The following UBQLN1 variants were observed in gnomAD, a reference collection of about 807,000 sequenced individuals.
UBQLN1 encodes ubiquilin 1.
A neutral mutation model predicts 65.4 loss-of-function variants in UBQLN1; 13 were observed. The ratio of observed to expected loss-of-function variants is 0.20; its 90% CI spans 0.13 to 0.32. UBQLN1 has a LOEUF of 0.32. UBQLN1 is among the 10% of genes least tolerant of loss of function. UBQLN1 has a pLI of 1.00. For synonymous variants in UBQLN1, 267 were observed against 247.8 expected (o/e 1.08, Z -0.73); for missense variants, 561 against 724.0 (o/e 0.77, Z 2.58).
intron 2 of UBQLN1, among the ~76,000 whole-genome samples, chr9:83,684,810 C>CA (rs199680794): frequency 0.069 from 4,407 of 64,070 alleles, 223 homozygotes; most frequent in African/African-American, 0.21. Context: ...AATTCCGTCT[C>CA]AAAAAAAAAA....
chr9:83,707,866 C>T lies in UBQLN1; in HGVS notation c.-187G>A, dbSNP rs1832446276. 2.4e-6 allele frequency: 2 copies of T among 847,730 alleles called. No individual in the cohort carries two copies. Among genetic ancestry groups the T allele is most frequent in the Non-Finnish European group, 3.4e-6 (2 of 593,860 alleles). The allele number at this position is 847,730 out of a possible 1,614,324, so 52.5% of individuals were successfully genotyped here. On this transcript the variant is annotated 5_prime_UTR_variant, in exon 1 of 11. Transcript: ENST00000376395. ...CCCCGGAGCTCGGTGCAGGCTCTGG[C>T]GCAGGCCCGGGTCAGGCGCTCGGCA...
chr9:83,685,039 C>T (rs761332345), intron 2 of UBQLN1, among the ~76,000 whole-genome samples: 4 of 152,140 alleles, frequency 2.6e-5, no homozygotes, highest in Non-Finnish European at 5.9e-5. Flanking sequence ...CCTGGGTACA[C>T]TGTTGTATCA....
chr9:83,667,647 A>G (rs965576583), intron 7 of UBQLN1: 17 of 985,292 alleles, frequency 1.7e-5, no homozygotes, highest in Non-Finnish European at 1.8e-5. Context: ...GTTATCACAC[A>G]TATCTTTTGG....
chr9:83,663,749 A>G, intron 10 of UBQLN1, 126 bp downstream of exon 10: 3 of 1,063,148 alleles, frequency 2.8e-6, no homozygotes, highest in Non-Finnish European at 4.0e-6. Flanking sequence ...TTAAGACTGT[A>G]TTTTTCATTA....
At chr9:83,679,534 A>T (rs1280083140) in intron 4 of UBQLN1, among the ~76,000 whole-genome samples, 1 of 152,238 alleles carries the variant, frequency 6.6e-6, no homozygotes, top group Non-Finnish European at 1.5e-5. Context: ...TCCCATCTCC[A>T]GCATTGGACT....
intron 8 of UBQLN1, 81 bp downstream of exon 8, chr9:83,666,269 G>A (rs887230691): frequency 2.2e-6 from 3 of 1,367,782 alleles, no homozygotes; most frequent in South Asian, 2.4e-5. Flanking sequence ...ATCAGCCAGA[G>A]AAGAGCAAGG....
At chr9:83,675,170 G>A (rs1831810404) in intron 6 of UBQLN1, among the ~76,000 whole-genome samples, 1 of 152,138 alleles carries the variant, frequency 6.6e-6, no homozygotes, top group Non-Finnish European at 1.5e-5. Flanking sequence ...TAACCACACA[G>A]AAGGTTGATG....
intron 6 of UBQLN1, among the ~76,000 whole-genome samples, chr9:83,672,592 G>A (rs1831751929): frequency 2.6e-5 from 4 of 152,124 alleles, no homozygotes; most frequent in African/African-American, 9.7e-5. Context: ...AAGTTTGCCA[G>A]GTACAAGGTG....
rs1831561978 is a variant in UBQLN1 at position 83,661,602 on chromosome 9, T to C, written c.*185A>G. ...CATGCAGTAGCCTTAATTCCCACTG[T>C]TCCAGAAAAGAAAAATACAGAAAAA... On this transcript the variant is annotated 3_prime_UTR_variant, in exon 11 of 11. Coordinates refer to ENST00000376395, the MANE Select transcript of UBQLN1 (RefSeq NM_013438.5). 1.8e-6 allele frequency: 1 copy of C among 548,494 alleles called. No individual in the cohort carries two copies. Among genetic ancestry groups the C allele is most frequent in the African/African-American group, 2.0e-5 (1 of 50,412 alleles). 34.0% of individuals were successfully genotyped at this position (548,494 alleles called of 1,614,324 possible). A position where few individuals can be genotyped will look rare whatever the true frequency, so the allele number is the denominator to read the frequency against.
intron 3 of UBQLN1, 82 bp from the exon 4 acceptor site, chr9:83,680,119 A>T: frequency 7.1e-7 from 1 of 1,410,420 alleles, no homozygotes; most frequent in Non-Finnish European, 9.6e-7. Flanking sequence ...AAGATGCAAA[A>T]AAGTATTAGC....
At chr9:83,704,194 G>A (rs1832358310) in intron 1 of UBQLN1, among the ~76,000 whole-genome samples, 2 of 152,156 alleles carry the variant, frequency 1.3e-5, no homozygotes, top group African/African-American at 4.8e-5. Context: ...GAATTTTAAT[G>A]TCATTAAGTA....
intron 1 of UBQLN1, among the ~76,000 whole-genome samples, chr9:83,702,900 T>G (rs892158982): frequency 6.6e-6 from 1 of 152,172 alleles, no homozygotes; most frequent in African/African-American, 2.4e-5. Flanking sequence ...TCCCAGAAGT[T>G]TGCACTGACA....
intron 10 of UBQLN1, among the ~76,000 whole-genome samples, chr9:83,662,973 G>A (rs887939731): frequency 3.9e-5 from 6 of 152,070 alleles, no homozygotes; most frequent in Non-Finnish European, 1.5e-5. Flanking sequence ...CTACTCCAGA[G>A]GCTAAGGTGG....
chr9:83,671,597 C>T (rs895768724), intron 6 of UBQLN1, among the ~76,000 whole-genome samples: 1 of 152,116 alleles, frequency 6.6e-6, no homozygotes, highest in South Asian at 2.1e-4. Flanking sequence ...TCCTTAGCAA[C>T]GTCTCACCAG....
intron 7 of UBQLN1, chr9:83,667,845 C>G (rs1831666930): frequency 5.1e-6 from 5 of 972,896 alleles, no homozygotes; most frequent in Non-Finnish European, 6.1e-6. Context: ...CTGCAGATAA[C>G]AAGAACATTG....
intron 2 of UBQLN1, 58 bp from the exon 3 acceptor site, chr9:83,683,124 C>G: frequency 2.3e-6 from 3 of 1,291,080 alleles, no homozygotes; most frequent in Non-Finnish European, 3.3e-6. Context: ...TTAAAAGAAC[C>G]ACCAAAGGCC....
chr9:83,698,912 CAA>C (rs34821277), intron 1 of UBQLN1, among the ~76,000 whole-genome samples: 43 of 113,304 alleles, frequency 3.8e-4, no homozygotes, highest in Non-Finnish European at 2.9e-4. Context: ...AGACCTGTCT[CAA>C]AAAAAAAAAA....
chr9:83,707,882 GCGCTCGGCAGCCGCCGTGTGTTCAGGCGC>G lies in UBQLN1; in HGVS notation c.-232_-204del. On this transcript the variant is annotated 5_prime_UTR_variant, in exon 1 of 11. Transcript: ENST00000376395. ...AGGCTCTGGCGCAGGCCCGGGTCAG[GCGCTCGGCAGCCGCCGTGTGTTCAGGCGC>G]CGCTCGCTCACACCGACATCCGCAG... is the stretch of plus-strand genomic sequence containing the variant. The G allele has an allele frequency of 1.5e-6, 1 of 664,858 alleles. No individual in the cohort carries two copies. 41.2% of individuals were successfully genotyped at this position (664,858 alleles called of 1,614,324 possible). A position where few individuals can be genotyped will look rare whatever the true frequency, so the allele number is the denominator to read the frequency against.
At chr9:83,665,404 G>A in intron 8 of UBQLN1, 2 of 347,926 alleles carry the variant, frequency 5.7e-6, no homozygotes, top group African/African-American at 2.1e-5. Context: ...GAGCTACTTT[G>A]GAAGCCACAA....
Sources: gnomAD v4.1 joint callset for allele counts (sites outside exome capture counted in the v4.1 genomes callset) on GRCh38, gnomAD v4.1.1 for gene constraint, MANE v1.5 for transcripts, NCBI Gene and HGNC (gene_info 2026-07-23, HGNC 2026-07-21) for gene names.